The following IARS1 variants were observed in gnomAD, a reference collection of about 807,000 sequenced individuals.
IARS1 encodes isoleucine--tRNA ligase, cytoplasmic.
Under a neutral mutation model 168.2 loss-of-function variants are expected in IARS1, and 124 were observed. That is an observed-to-expected ratio of 0.74 (90% CI 0.64 to 0.86). IARS1 has a LOEUF of 0.86. Among genes scored for constraint, IARS1 ranks in the 40% least tolerant of loss-of-function variants. The pLI, the probability that IARS1 is intolerant of heterozygous loss-of-function variation, is 0.00. For missense variants in IARS1, 1,452 were observed against 1,515.8 expected (o/e 0.96, Z 0.70); for synonymous variants, 532 against 529.4 (o/e 1.00, Z -0.07).
chr9:92,252,307 G>A, intron 21 of IARS1: 1 of 465,118 alleles, frequency 2.1e-6, no homozygotes, highest in Non-Finnish European at 4.3e-6. Context: ...CCAATTCATT[G>A]AAATTTTTTC....
rs776142948 is a variant in IARS1, at chr9:92,263,073, A to G, written c.1701-18T>C. ...TATAAAACCTGAAAAAAAACCCCAA[A>G]CAGTTCAATAAAAATAGAAATGAAG... On this transcript the variant is annotated intron_variant, in intron 16 of 33. Coordinates refer to ENST00000443024, the MANE Select transcript of IARS1 (RefSeq NM_002161.6). 43 of 1,556,650 alleles carry G rather than the reference A, an allele frequency of 2.8e-5. No homozygotes were observed. Among genetic ancestry groups the G allele is most frequent in the Non-Finnish European group, 3.8e-5 (43 of 1,128,968 alleles).
chr9:92,238,930 A>G (rs1827959520), intron 30 of IARS1, among the ~76,000 whole-genome samples: 1 of 152,220 alleles, frequency 6.6e-6, no homozygotes, highest in Admixed American at 6.5e-5. Context: ...GATGTACTAT[A>G]TAATAAACCA....
At chr9:92,262,849 A>G (rs1388650144) in intron 17 of IARS1, 120 bp downstream of exon 17, 19 of 708,404 alleles carry the variant, frequency 2.7e-5, no homozygotes, top group Non-Finnish European at 4.8e-5. Flanking sequence ...CTCCTTCTTG[A>G]GAAACAGTGG....
At chr9:92,227,240 A>G (rs1243444759) in intron 31 of IARS1, among the ~76,000 whole-genome samples, 3 of 148,624 alleles carry the variant, frequency 2.0e-5, no homozygotes, top group Admixed American at 1.3e-4. Flanking sequence ...CCGATTTCTC[A>G]ATCTTTTCCC....
intron 7 of IARS1, among the ~76,000 whole-genome samples, chr9:92,279,562 C>T (rs573850373): frequency 6.6e-6 from 1 of 152,226 alleles, no homozygotes; most frequent in South Asian, 2.1e-4. Flanking sequence ...CCCTCCGTAC[C>T]TTTTTTCTGG....
chr9:92,286,282 G>C (rs562198571), intron 5 of IARS1, among the ~76,000 whole-genome samples: 2 of 152,150 alleles, frequency 1.3e-5, no homozygotes, highest in Non-Finnish European at 2.9e-5. Flanking sequence ...CAAGAGAATC[G>C]CTTGAACCTG....
At chr9:92,293,587 T>C (rs1836753530) in intron 1 of IARS1, 24 bp downstream of exon 1, 1 of 422,636 alleles carries the variant, frequency 2.4e-6, no homozygotes, top group African/African-American at 2.1e-5. Flanking sequence ...GAGGGCCGGA[T>C]CCTGCAGGGA....
intron 22 of IARS1, chr9:92,251,072 A>G (rs1343005127): frequency 1.8e-6 from 1 of 552,052 alleles, no homozygotes; most frequent in Non-Finnish European, 3.5e-6. Flanking sequence ...GATGTCTAAA[A>G]TAGAAACAGG....
intron 19 of IARS1, among the ~76,000 whole-genome samples, chr9:92,257,827 T>G (rs766842723): frequency 6.6e-6 from 1 of 152,216 alleles, no homozygotes; most frequent in African/African-American, 2.4e-5. Context: ...TGTAAGGTGC[T>G]GGAGATCAGA....
At chr9:92,281,740 T>C (rs1479162418) in intron 6 of IARS1, among the ~76,000 whole-genome samples, 6 of 149,666 alleles carry the variant, frequency 4.0e-5, no homozygotes, top group Non-Finnish European at 6.0e-5. Context: ...AAAAAAAAAA[T>C]CAATCCCCAA....
intron 21 of IARS1, chr9:92,252,520 G>A (rs1830150234): frequency 2.3e-6 from 1 of 429,050 alleles, no homozygotes; most frequent in African/African-American, 2.0e-5. Flanking sequence ...TAACACCACT[G>A]CTTTGAGAGG....
chr9:92,238,726 C>T (rs1260564264), intron 30 of IARS1, among the ~76,000 whole-genome samples: 1 of 152,104 alleles, frequency 6.6e-6, no homozygotes, highest in Non-Finnish European at 1.5e-5. Context: ...GTGGTATAGT[C>T]TTTTCTTAGT....
At chr9:92,224,932 G>A (rs927970080) in intron 31 of IARS1, among the ~76,000 whole-genome samples, 3 of 152,138 alleles carry the variant, frequency 2.0e-5, no homozygotes, top group Non-Finnish European at 4.4e-5. Flanking sequence ...ATGAACAAAG[G>A]GGCCACCCAG....
At chr9:92,252,764 CAAAAAAAAAAAAA>C (rs34983021) in intron 21 of IARS1, among the ~76,000 whole-genome samples, 846 of 27,238 alleles carry the variant, frequency 0.031, 20 homozygotes, top group African/African-American at 0.1. Context: ...AACTCCTTCT[CAAAAAAAAAAAAA>C]AAAAAAAAAA....
intron 9 of IARS1, among the ~76,000 whole-genome samples, chr9:92,275,459 T>C (rs890662150): frequency 4.6e-5 from 7 of 152,216 alleles, no homozygotes; most frequent in Admixed American, 2.0e-4. Flanking sequence ...AAAACTAAAC[T>C]TGAAAAATAA....
At chr9:92,220,444 A>G (rs1445904052) in intron 33 of IARS1, among the ~76,000 whole-genome samples, 1 of 151,952 alleles carries the variant, frequency 6.6e-6, no homozygotes, top group African/African-American at 2.4e-5. Context: ...ATCATAAAAA[A>G]ATAATAAAAT....
At chr9:92,224,936 C>G (rs1825420428) in intron 31 of IARS1, among the ~76,000 whole-genome samples, 1 of 152,202 alleles carries the variant, frequency 6.6e-6, no homozygotes. Flanking sequence ...ACAAAGGGGC[C>G]ACCCAGACTG....
intron 26 of IARS1, among the ~76,000 whole-genome samples, chr9:92,247,020 CCT>C (rs1829299099): frequency 6.6e-6 from 1 of 151,968 alleles, no homozygotes. Context: ...ATGGTGAAAC[CCT>C]GTTTCTACCA....
intron 16 of IARS1, among the ~76,000 whole-genome samples, chr9:92,264,059 G>T (rs1437246707): frequency 6.6e-6 from 1 of 152,100 alleles, no homozygotes; most frequent in Non-Finnish European, 1.5e-5. Context: ...CCTGGGCTGG[G>T]CGCAATGGCT....
Sources: allele counts gnomAD v4.1 joint callset (sites outside exome capture counted in the v4.1 genomes callset), GRCh38; gene constraint gnomAD v4.1.1; transcripts MANE v1.5; gene names NCBI Gene and HGNC (gene_info 2026-07-23, HGNC 2026-07-21).